The following RBFOX1 variants were observed in gnomAD, a reference collection of about 807,000 sequenced individuals.
RBFOX1 encodes RNA binding fox-1 homolog 1, also known as RNA binding protein fox-1 homolog 1.
RBFOX1 carries 8 observed loss-of-function variants against 57.7 expected under a neutral mutation model. The ratio of observed to expected loss-of-function variants is 0.14; its 90% CI spans 0.08 to 0.25. RBFOX1 has a LOEUF of 0.25. Ranked by LOEUF, RBFOX1 falls within the 10% of genes least tolerant of loss-of-function variation. RBFOX1 has a pLI of 1.00. For missense variants in RBFOX1, 611 were observed against 548.5 expected, an observed-to-expected ratio of 1.11 and a Z score of -1.14; for synonymous variants, 326 against 222.4, an observed-to-expected ratio of 1.47 and a Z score of -4.15.
At chr16:5,783,007 C>G (rs574471302) in intron 3 of RBFOX1, among the ~76,000 whole-genome samples, 1 of 152,322 alleles carries the variant, frequency 6.6e-6, no homozygotes, top group Non-Finnish European at 1.5e-5. Flanking sequence ...GATTTAAATA[C>G]TCTTTGCATC....
chr16:7,101,823 G>T (rs2062746258), intron 4 of RBFOX1, among the ~76,000 whole-genome samples: 1 of 152,052 alleles, frequency 6.6e-6, no homozygotes, highest in African/African-American at 2.4e-5. Flanking sequence ...ACTGAGCTAG[G>T]GATTTCCAAG....
At chr16:6,515,308 G>C (rs960771229) in intron 2 of RBFOX1, among the ~76,000 whole-genome samples, 1 of 152,138 alleles carries the variant, frequency 6.6e-6, no homozygotes, top group Non-Finnish European at 1.5e-5. Context: ...CAGCTGCTAG[G>C]CTTGTCTTTG....
In RBFOX1 at chr16:7,387,278, C is replaced by T. The variant is rs1028018167; in HGVS notation, c.28-130869C>T. ...ATTAGTATAGGATTAGTAATAAATT[C>T]TATGAGCTATGTTCTATTTTTATCC... On this transcript the variant is annotated intron_variant, in intron 4 of 15. Coordinates refer to ENST00000550418, the MANE Select transcript of RBFOX1 (RefSeq NM_018723.4). 8.5e-5 allele frequency among the ~76,000 whole-genome samples: 13 copies of T among 152,112 alleles called. No homozygotes were observed. In the South Asian group the frequency reaches 1.7e-3, roughly 19 times the overall value.
At chr16:5,310,228 C>G (rs1397725785) in intron 1 of RBFOX1, among the ~76,000 whole-genome samples, 1 of 152,054 alleles carries the variant, frequency 6.6e-6, no homozygotes, top group Non-Finnish European at 1.5e-5. Flanking sequence ...ATGGGGAAAC[C>G]CTGTCTCTAC....
chr16:7,444,301 G>C, intron 4 of RBFOX1, among the ~76,000 whole-genome samples: 1 of 152,098 alleles, frequency 6.6e-6, no homozygotes, highest in East Asian at 1.9e-4. Flanking sequence ...CTGGAACAGA[G>C]TCCCTAGGAT....
At chr16:5,418,406 G>C (rs2067218328) in intron 1 of RBFOX1, among the ~76,000 whole-genome samples, 1 of 152,038 alleles carries the variant, frequency 6.6e-6, no homozygotes, top group Non-Finnish European at 1.5e-5. Context: ...TGTTGTGTGA[G>C]GCATCAGGTC....
At position 6,646,950 on chromosome 16, in the gene RBFOX1, C is replaced by T. The variant is rs150895663; in HGVS notation, c.-63-7653C>T. ...TCCCACGTCCTAGGACTGGGCCTTA[C>T]AGGTCGTCTGGGAACCTTGTCTTAG... On this transcript the variant is annotated intron_variant, in intron 2 of 15. Coordinates refer to ENST00000550418, the MANE Select transcript of RBFOX1 (RefSeq NM_018723.4). Among the ~76,000 whole-genome samples, 637 of 152,300 alleles carry T rather than the reference C, an allele frequency of 4.2e-3. 6 individuals are homozygous for T. Among genetic ancestry groups the T allele is most frequent in the African/African-American group, 0.014 (588 of 41,572 alleles).
intron 2 of RBFOX1, among the ~76,000 whole-genome samples, chr16:6,446,116 C>T (rs2094480580): frequency 6.6e-6 from 1 of 152,138 alleles, no homozygotes. Flanking sequence ...ATGCACGTGC[C>T]ACCTAATGTT....
chr16:5,692,506 T>C (rs1041462855), intron 3 of RBFOX1, among the ~76,000 whole-genome samples: 6 of 152,184 alleles, frequency 3.9e-5, no homozygotes, highest in Non-Finnish European at 7.3e-5. Flanking sequence ...TGCATCCTGG[T>C]GAAGACCCTG....
At chr16:6,840,174 G>A (rs1405713783) in intron 3 of RBFOX1, among the ~76,000 whole-genome samples, 2 of 152,106 alleles carry the variant, frequency 1.3e-5, no homozygotes, top group South Asian at 2.1e-4. Flanking sequence ...CAGTTAAGGT[G>A]CCTAAAAGCA....
At chr16:6,736,890 G>A (rs974508381) in intron 3 of RBFOX1, among the ~76,000 whole-genome samples, 3 of 152,188 alleles carry the variant, frequency 2.0e-5, no homozygotes, top group Non-Finnish European at 2.9e-5. Context: ...TGGAGCCTAG[G>A]TATAGACTTA....
Position 6,874,417 on chromosome 16 carries a change from G to A in RBFOX1, c.-15-177640G>A, listed in dbSNP as rs1408527279. 2.7e-5 allele frequency among the ~76,000 whole-genome samples: 4 copies of A among 150,626 alleles called. No individual in the cohort carries two copies. In the East Asian group the frequency reaches 5.9e-4, roughly 22 times the overall value. ...CCCAGCTACTTAGGAGGCTGAGGCA[G>A]GAGAACTGCTTGAATCCAGGAGATG... On this transcript the variant is annotated intron_variant, in intron 3 of 15. Transcript: ENST00000550418.
At chr16:6,460,827 C>CAAAA (rs57208986) in intron 2 of RBFOX1, among the ~76,000 whole-genome samples, 1,639 of 141,306 alleles carry the variant, frequency 0.012, 37 homozygotes, top group African/African-American at 0.038. Context: ...TTCAGAATAC[C>CAAAA]AAAAAAAAAA....
intron 3 of RBFOX1, among the ~76,000 whole-genome samples, chr16:6,911,596 A>G (rs963382506): frequency 1.3e-5 from 2 of 152,166 alleles, no homozygotes; most frequent in African/African-American, 4.8e-5. Context: ...TTACCTCTGT[A>G]AAGACCCTGC....
At chr16:5,857,698 G>C (rs1233699839) in intron 3 of RBFOX1, among the ~76,000 whole-genome samples, 1 of 151,872 alleles carries the variant, frequency 6.6e-6, no homozygotes, top group African/African-American at 2.4e-5. Flanking sequence ...AAGACGGGCA[G>C]AACACTTGAG....
At chr16:6,057,878 A>T (rs989470771) in intron 1 of RBFOX1, among the ~76,000 whole-genome samples, 6 of 122,424 alleles carry the variant, frequency 4.9e-5, no homozygotes, top group Non-Finnish European at 9.5e-5. Flanking sequence ...TCAGGTTACC[A>T]GAAGTAGGCA....
chr16:6,427,227 T>C (rs1473366366), intron 2 of RBFOX1, among the ~76,000 whole-genome samples: 1 of 152,248 alleles, frequency 6.6e-6, no homozygotes, highest in Non-Finnish European at 1.5e-5. Flanking sequence ...TGATGGAATG[T>C]GCTTCTGCCC....
chr16:5,429,239 T>C (rs780462303), intron 1 of RBFOX1, among the ~76,000 whole-genome samples: 6 of 152,122 alleles, frequency 3.9e-5, no homozygotes, highest in Non-Finnish European at 7.4e-5. Context: ...TGACTCGGAG[T>C]GAGCTGGAGG....
chr16:5,809,301 A>G (rs1178163283), intron 3 of RBFOX1, among the ~76,000 whole-genome samples: 1 of 152,226 alleles, frequency 6.6e-6, no homozygotes, highest in Non-Finnish European at 1.5e-5. Flanking sequence ...AGCAATGGCA[A>G]CAAAAGCCAA....
Sources: allele counts gnomAD v4.1 joint callset (sites outside exome capture counted in the v4.1 genomes callset), GRCh38; gene constraint gnomAD v4.1.1; transcripts MANE v1.5; gene names NCBI Gene and HGNC (gene_info 2026-07-23, HGNC 2026-07-21).